PRKN: variants seen among roughly 807,000 people sequenced by gnomAD.
The protein encoded by PRKN is E3 ubiquitin-protein ligase parkin.
PRKN carries 56 observed loss-of-function variants against 59.5 expected under a neutral mutation model. The ratio of observed to expected loss-of-function variants is 0.94; its 90% CI spans 0.76 to 1.18. PRKN has a LOEUF of 1.18. Ranked by LOEUF, PRKN falls within the 50% of genes most tolerant of loss-of-function variation. The pLI, the probability that PRKN is intolerant of heterozygous loss-of-function variation, is 0.00. For missense variants in PRKN, 657 were observed against 596.4 expected, an observed-to-expected ratio of 1.10 and a Z score of -1.06; for synonymous variants, 250 against 222.1, an observed-to-expected ratio of 1.13 and a Z score of -1.12.
At chr6:162,096,032 C>T (rs1396788887) in intron 4 of PRKN, among the ~76,000 whole-genome samples, 6 of 152,156 alleles carry the variant, frequency 3.9e-5, no homozygotes, top group South Asian at 2.1e-4. Flanking sequence ...ATACAGGGAA[C>T]GTACTTACTC....
chr6:162,274,262 A>C (rs952072315), intron 2 of PRKN, among the ~76,000 whole-genome samples: 1 of 151,998 alleles, frequency 6.6e-6, no homozygotes. Context: ...ATCAGGGCTC[A>C]TTGCAGTCTC....
intron 1 of PRKN, among the ~76,000 whole-genome samples, chr6:162,471,253 G>A (rs541312292): frequency 3.3e-5 from 5 of 151,136 alleles, no homozygotes; most frequent in South Asian, 2.1e-4. Context: ...ACCTGCCACC[G>A]CTCCCGGCTA....
At position 161,579,794 on chromosome 6, in the gene PRKN, A is replaced by AT. The variant is rs937905962; in HGVS notation, c.872-10379dup. Among the ~76,000 whole-genome samples, 10 of 152,228 alleles carry AT rather than the reference A, an allele frequency of 6.6e-5. No homozygotes were observed. Among genetic ancestry groups the AT allele is most frequent in the Admixed American group, 4.6e-4 (7 of 15,282 alleles). On this transcript the variant is annotated intron_variant, in intron 7 of 11. Coordinates refer to ENST00000366898, the MANE Select transcript of PRKN (RefSeq NM_004562.3). This position sits in a 1 kb window ranked among gnomAD's most constrained non-coding sequence, Gnocchi z 4.2. Reference sequence around the variant, plus strand: ...TATAGTTTTACAAGTACTTAATGGTATTTTTTGTTTTTGAATTTTGTATTT... The same window carrying AT: ...TATAGTTTTACAAGTACTTAATGGTATTTTTTTGTTTTTGAATTTTGTATTT...
At chr6:162,587,050 G>A (rs1280403643) in intron 1 of PRKN, among the ~76,000 whole-genome samples, 2 of 152,064 alleles carry the variant, frequency 1.3e-5, no homozygotes, top group Admixed American at 6.5e-5. Flanking sequence ...TATTCACCTC[G>A]CTATTTTAAT....
rs368474517 is a variant in PRKN at position 162,499,855 on chromosome 6, T to C, written c.8-56382A>G. ...CTTATGACAGGTCTCTGATACAATG[T>C]ATGGAGTGTCAAATATATCATCTTT... On this transcript the variant is annotated intron_variant, in intron 1 of 11. Transcript: ENST00000366898. Among the ~76,000 whole-genome samples, 34 of 152,292 alleles carry C rather than the reference T, an allele frequency of 2.2e-4. 1 individual carries two copies. The East Asian group carries it at 3.3e-3, about 15-fold the overall frequency.
At chr6:162,146,914 A>G (rs1782054727) in intron 4 of PRKN, among the ~76,000 whole-genome samples, 1 of 151,880 alleles carries the variant, frequency 6.6e-6, no homozygotes, top group African/African-American at 2.4e-5. Context: ...TATTTTTAGT[A>G]GAGACAGGGT....
At chr6:162,474,485 T>A (rs1791907666) in intron 1 of PRKN, among the ~76,000 whole-genome samples, 1 of 152,176 alleles carries the variant, frequency 6.6e-6, no homozygotes, top group African/African-American at 2.4e-5. Flanking sequence ...TATTCAAGCC[T>A]ACAGTATAAA....
In PRKN at chr6:161,409,180, G is replaced by A. The variant is rs1787412654; in HGVS notation, c.1084-22303C>T. 6.6e-6 allele frequency among the ~76,000 whole-genome samples: 1 copy of A among 152,098 alleles called. No individual in the cohort carries two copies. On this transcript the variant is annotated intron_variant, in intron 9 of 11. Transcript: ENST00000366898. This position sits in a 1 kb window ranked among gnomAD's most constrained non-coding sequence, Gnocchi z 4.6. ...AGGCTGGTCTCGAACTCCTGACCTTGTGATCCACCCGCACTGGACTCCCAA... is the reference window on the plus strand; with the variant it reads ...AGGCTGGTCTCGAACTCCTGACCTTATGATCCACCCGCACTGGACTCCCAA...
intron 6 of PRKN, among the ~76,000 whole-genome samples, chr6:161,902,853 G>A (rs1008715964): frequency 8.6e-5 from 13 of 152,044 alleles, no homozygotes; most frequent in African/African-American, 2.4e-4. Flanking sequence ...CACCTTGCCC[G>A]GCTCATCTAT....
At chr6:161,836,427 G>C (rs888904856) in intron 6 of PRKN, among the ~76,000 whole-genome samples, 1 of 152,042 alleles carries the variant, frequency 6.6e-6, no homozygotes, top group African/African-American at 2.4e-5. Context: ...GAGTGGCCTC[G>C]ATTAAATCCA....
At chr6:161,849,021 A>T (rs1583243033) in intron 6 of PRKN, among the ~76,000 whole-genome samples, 1 of 152,298 alleles carries the variant, frequency 6.6e-6, no homozygotes, top group South Asian at 2.1e-4. Flanking sequence ...ATGACTCCTC[A>T]GTGACTGTTA....
Position 161,530,391 on chromosome 6 carries a change from G to A in PRKN, c.1083+18463C>T, listed in dbSNP as rs1779159722. On this transcript the variant is annotated intron_variant, in intron 9 of 11. Coordinates refer to ENST00000366898, the MANE Select transcript of PRKN (RefSeq NM_004562.3). This position sits in a 1 kb window ranked among gnomAD's most constrained non-coding sequence, Gnocchi z 5.0. ...TCTTCCATATCAGGTACCCTGGTTT[G>A]AAAAATCATACTTTTAGAAGAAATT... is the stretch of plus-strand genomic sequence containing the variant. Among the ~76,000 whole-genome samples the A allele has an allele frequency of 6.6e-6, 1 of 152,142 alleles. No individual in the cohort carries two copies. Among genetic ancestry groups the A allele is most frequent in the Non-Finnish European group, 1.5e-5 (1 of 68,024 alleles).
intron 2 of PRKN, among the ~76,000 whole-genome samples, chr6:162,319,940 A>G (rs1213907333): frequency 6.6e-6 from 1 of 151,894 alleles, no homozygotes; most frequent in East Asian, 1.9e-4. Context: ...CTCATTAGGT[A>G]ACTTCTCATC....
chr6:162,180,540 C>A (rs12201696), intron 4 of PRKN, among the ~76,000 whole-genome samples: 52,806 of 151,910 alleles, frequency 0.35, 9,303 homozygotes, highest in Middle Eastern at 0.49. Context: ...TTAAATCTCA[C>A]CAAAAAGAAT....
intron 1 of PRKN, among the ~76,000 whole-genome samples, chr6:162,496,571 A>C (rs1391193672): frequency 1.3e-5 from 2 of 152,192 alleles, no homozygotes; most frequent in Admixed American, 6.5e-5. Context: ...AGATGAAACA[A>C]ATCTCTCTCT....
intron 6 of PRKN, among the ~76,000 whole-genome samples, chr6:161,838,430 C>T (rs1226254123): frequency 1.3e-5 from 2 of 152,230 alleles, no homozygotes; most frequent in African/African-American, 4.8e-5. Flanking sequence ...CTGCAGGCTG[C>T]ATGCCTTTGG....
At chr6:162,354,310 T>C (rs1351911954) in intron 2 of PRKN, among the ~76,000 whole-genome samples, 1 of 152,084 alleles carries the variant, frequency 6.6e-6, no homozygotes, top group Non-Finnish European at 1.5e-5. Context: ...CAATTGCTCA[T>C]GAGGCAGATA....
chr6:161,434,287 G>C (rs1463320580), intron 9 of PRKN, among the ~76,000 whole-genome samples: 1 of 150,688 alleles, frequency 6.6e-6, no homozygotes, highest in Non-Finnish European at 1.5e-5. Flanking sequence ...TAGATCATAG[G>C]GAAAATGATT....
chr6:161,892,344 T>G (rs949150945), intron 6 of PRKN, among the ~76,000 whole-genome samples: 2 of 150,924 alleles, frequency 1.3e-5, no homozygotes, highest in African/African-American at 4.9e-5. Context: ...AGCAAGAGGA[T>G]CGCTTGAGGC....
Sources: gnomAD v4.1 joint callset for allele counts (sites outside exome capture counted in the v4.1 genomes callset) on GRCh38, gnomAD v4.1.1 for gene constraint, Gnocchi (gnomAD v3.1) non-coding constraint, MANE v1.5 for transcripts, NCBI Gene and HGNC (gene_info 2026-07-23, HGNC 2026-07-21) for gene names.